Variants in MTMR8 observed in about 807,000 individuals in gnomAD.
MTMR8 encodes the protein phosphatidylinositol-3,5-bisphosphate 3-phosphatase MTMR8.
MTMR8 carries 65 observed loss-of-function variants against 39.3 expected under a neutral mutation model. The observed-to-expected ratio is 1.65, with a 90% CI of 1.35 to 2.03. MTMR8 has a LOEUF of 2.03. Among genes scored for constraint, MTMR8 ranks in the 30% most tolerant of loss-of-function variants. The pLI is 0.00. For synonymous variants in MTMR8, 245 were observed against 185.2 expected, an observed-to-expected ratio of 1.32 and a Z score of -2.62; for missense variants, 777 against 538.9, an observed-to-expected ratio of 1.44 and a Z score of -4.37.
chrX:64,328,820 A>T lies in MTMR8; in HGVS notation c.1433T>A (p.Phe478Tyr). Residue 478 changes from phenylalanine (F) to tyrosine (Y), a missense_variant, in exon 12 of 14, where the codon TTC (phenylalanine) becomes TAC (tyrosine). By Grantham distance (22) the Phe-to-Tyr change is conservative. Transcript: ENST00000374852. The stretch of plus-strand genomic sequence containing the variant: ...AGGATTGAGTACCCCATACATAGTG[A>T]AGCCTTTATAGAGAGGGTTCCTGAA... ...PDFRNPLYKG[F>Y]TMYGVLNPST... The T allele has an allele frequency of 3.3e-6, 4 of 1,201,523 alleles. No individual in the cohort carries two copies. The highest frequency in any genetic ancestry group is 4.5e-6 in the Non-Finnish European group (4 of 890,850).
intron 12 of MTMR8, among the ~76,000 whole-genome samples, chrX:64,312,617 C>A (rs968065828): frequency 9.8e-5 from 11 of 112,670 alleles, no homozygotes; most frequent in African/African-American, 3.5e-4. Context: ...TTCTTAATGG[C>A]ATCTAGAATA....
At chrX:64,324,581 G>C (rs1331075109) in intron 12 of MTMR8, among the ~76,000 whole-genome samples, 1 of 109,867 alleles carries the variant, frequency 9.1e-6, no homozygotes, top group African/African-American at 3.3e-5. Flanking sequence ...GATACTCAGG[G>C]AGCTGAGGCA....
At chrX:64,378,727 A>G (rs1014914120) in intron 1 of MTMR8, among the ~76,000 whole-genome samples, 2 of 112,551 alleles carry the variant, frequency 1.8e-5, no homozygotes, top group Non-Finnish European at 3.7e-5. Context: ...CTAAGCTTTT[A>G]CCTTAGAAAA....
At chrX:64,308,032 G>A (rs911892276) in intron 12 of MTMR8, among the ~76,000 whole-genome samples, 1 of 111,472 alleles carries the variant, frequency 9.0e-6, no homozygotes, top group Non-Finnish European at 1.9e-5. Flanking sequence ...TTGATATTGT[G>A]TCCTATGATT....
intron 12 of MTMR8, among the ~76,000 whole-genome samples, chrX:64,302,129 G>A (rs1338635711): frequency 4.4e-5 from 5 of 112,807 alleles, no homozygotes; most frequent in African/African-American, 1.6e-4. Context: ...GTTTACCTGA[G>A]CAAGCCTGGG....
intron 10 of MTMR8, among the ~76,000 whole-genome samples, chrX:64,335,785 G>A (rs1018944344): frequency 9.0e-6 from 1 of 111,711 alleles, no homozygotes; most frequent in Admixed American, 9.5e-5. Flanking sequence ...TGACCTCTTC[G>A]TGCAATGTTA....
intron 12 of MTMR8, among the ~76,000 whole-genome samples, chrX:64,281,328 G>T (rs988495507): frequency 9.0e-6 from 1 of 111,603 alleles, no homozygotes; most frequent in Non-Finnish European, 1.9e-5. Context: ...AACCAAAACA[G>T]CATGGTATTG....
intron 8 of MTMR8, among the ~76,000 whole-genome samples, chrX:64,339,263 A>G (rs1923154810): frequency 9.0e-6 from 1 of 111,487 alleles, no homozygotes; most frequent in Admixed American, 9.5e-5. Flanking sequence ...TATAGGAGTC[A>G]GCCTGTTCAA....
At chrX:64,335,209 G>C (rs763670374) in intron 10 of MTMR8, among the ~76,000 whole-genome samples, 6 of 109,632 alleles carry the variant, frequency 5.5e-5, no homozygotes, top group African/African-American at 1.7e-4. Context: ...TCAGCTCACT[G>C]CAACCTCCGC....
intron 1 of MTMR8, among the ~76,000 whole-genome samples, chrX:64,378,121 C>A (rs1402656548): frequency 8.9e-6 from 1 of 111,923 alleles, no homozygotes; most frequent in Admixed American, 9.5e-5. Context: ...AACTTCTTTT[C>A]TTCATAAATT....
chrX:64,303,377 T>C (rs1049405917), intron 12 of MTMR8, among the ~76,000 whole-genome samples: 7 of 112,586 alleles, frequency 6.2e-5, no homozygotes, highest in African/African-American at 2.3e-4. Context: ...TTTATATTTC[T>C]GATGACAAGA....
intron 1 of MTMR8, among the ~76,000 whole-genome samples, chrX:64,366,242 G>C (rs1461869664): frequency 1.8e-5 from 2 of 111,339 alleles, no homozygotes; most frequent in African/African-American, 6.5e-5. Flanking sequence ...AACTCAGGTT[G>C]GCACCAAGCA....
chrX:64,326,803 T>C (rs1281519228), intron 12 of MTMR8, among the ~76,000 whole-genome samples: 1 of 109,036 alleles, frequency 9.2e-6, no homozygotes, highest in African/African-American at 3.3e-5. Flanking sequence ...GACTTCAAAA[T>C]GTACTACAAA....
chrX:64,390,582 T>C (rs937347339), intron 1 of MTMR8, among the ~76,000 whole-genome samples: 1 of 112,196 alleles, frequency 8.9e-6, no homozygotes, highest in Non-Finnish European at 1.9e-5. Flanking sequence ...GGACCATCAC[T>C]AGATGATCTT....
chrX:64,373,664 G>A (rs1924185195), intron 1 of MTMR8, among the ~76,000 whole-genome samples: 1 of 111,097 alleles, frequency 9.0e-6, no homozygotes, highest in South Asian at 3.8e-4. Flanking sequence ...TTGGGGAGAG[G>A]AAGGGAACTG....
rs148515368 is a variant in MTMR8, at chrX:64,356,180, C to T, written c.306G>A (p.Gln102=). The T allele has an allele frequency of 7.2e-5, 87 of 1,201,576 alleles. No individual in the cohort carries two copies. In the African/African-American group the frequency reaches 1.5e-3, roughly 20 times the overall value. ...EVYISLLKLS[Q]PALPEDLYAF... is the part of the protein sequence containing the mutation. ...TAAAAATACTATCATAACTACCTGG[C>T]TGAGAAAGCTTGAGCAGTGAAATAT... Residue 102 remains glutamine, a synonymous_variant, in exon 3 of 14, where the codon CAG becomes CAA. Transcript: ENST00000374852.
At chrX:64,271,271 A>G (rs1931754275) in intron 12 of MTMR8, among the ~76,000 whole-genome samples, 198 bp from the exon 13 acceptor site, 1 of 111,832 alleles carries the variant, frequency 8.9e-6, no homozygotes, top group African/African-American at 3.3e-5. Flanking sequence ...ATCTCAGCTG[A>G]AGGAGACATT....
chrX:64,288,959 T>C (rs1176180373), intron 12 of MTMR8, among the ~76,000 whole-genome samples: 1 of 110,306 alleles, frequency 9.1e-6, no homozygotes, highest in Admixed American at 9.8e-5. Context: ...ATGCCACATG[T>C]ATACATATGT....
At chrX:64,287,906 G>A (rs1475590532) in intron 12 of MTMR8, among the ~76,000 whole-genome samples, 8 of 102,255 alleles carry the variant, frequency 7.8e-5, no homozygotes, top group South Asian at 9.5e-4. Flanking sequence ...ATAGGCATGG[G>A]CAAGGACTTG....
Sources: allele counts gnomAD v4.1 joint callset (sites outside exome capture counted in the v4.1 genomes callset), GRCh38; gene constraint gnomAD v4.1.1; transcripts MANE v1.5; gene names NCBI Gene and HGNC (gene_info 2026-07-23, HGNC 2026-07-21).